The following DLGAP4 variants were observed in gnomAD, a reference collection of about 807,000 sequenced individuals.
The protein encoded by DLGAP4 is DLG associated protein 4, also known as disks large-associated protein 4.
In DLGAP4, 18 loss-of-function variants were observed where a neutral mutation model predicts 86.9. That is an observed-to-expected ratio of 0.21 (90% CI 0.14 to 0.31). The LOEUF is 0.31. Among genes scored for constraint, DLGAP4 ranks in the 10% least tolerant of loss-of-function variants. The pLI is 1.00. For synonymous variants in DLGAP4, 548 were observed against 574.3 expected, an observed-to-expected ratio of 0.95 and a Z score of 0.65; for missense variants, 1,085 against 1,362.6, an observed-to-expected ratio of 0.80 and a Z score of 3.21.
intron 7 of DLGAP4, among the ~76,000 whole-genome samples, chr20:36,449,338 T>C (rs533260963): frequency 6.6e-6 from 1 of 152,334 alleles, no homozygotes; most frequent in Non-Finnish European, 1.5e-5. Context: ...CTATTTTCCC[T>C]CTTGGTGACC....
At chr20:36,390,817 C>T (rs1256414671) in intron 2 of DLGAP4, among the ~76,000 whole-genome samples, 1 of 151,970 alleles carries the variant, frequency 6.6e-6, no homozygotes, top group Non-Finnish European at 1.5e-5. Context: ...AAGCCTTGGT[C>T]CCTGCCCCCA....
At chr20:36,407,816 G>A (rs1237764985) in intron 2 of DLGAP4, among the ~76,000 whole-genome samples, 1 of 152,102 alleles carries the variant, frequency 6.6e-6, no homozygotes, top group Non-Finnish European at 1.5e-5. Flanking sequence ...AATGGCGTGG[G>A]CTGGAGATGC....
chr20:36,395,072 C>A (rs1460163420), intron 2 of DLGAP4, among the ~76,000 whole-genome samples: 10 of 152,022 alleles, frequency 6.6e-5, no homozygotes, highest in Admixed American at 6.6e-4. Flanking sequence ...CTTCACCCAA[C>A]ACACACACAC....
At chr20:36,317,462 T>TTC (rs2065120642) in intron 1 of DLGAP4, among the ~76,000 whole-genome samples, 2 of 142,494 alleles carry the variant, frequency 1.4e-5, no homozygotes, top group African/African-American at 5.7e-5. Context: ...TCCTTCTCTT[T>TTC]CTTTTTTTTT....
At chr20:36,377,958 A>C (rs1204420444) in intron 2 of DLGAP4, among the ~76,000 whole-genome samples, 1 of 151,896 alleles carries the variant, frequency 6.6e-6, no homozygotes, top group African/African-American at 2.4e-5. Flanking sequence ...ACTTCCGTCC[A>C]CCCTGCTACT....
chr20:36,512,085 C>G (rs1246356565), intron 10 of DLGAP4, among the ~76,000 whole-genome samples: 2 of 128,336 alleles, frequency 1.6e-5, no homozygotes, highest in Non-Finnish European at 3.2e-5. Context: ...GAGTCTTGCT[C>G]TGTTGCCCAG....
intron 1 of DLGAP4, among the ~76,000 whole-genome samples, chr20:36,325,779 C>T (rs2065209754): frequency 6.6e-6 from 1 of 151,376 alleles, no homozygotes; most frequent in Non-Finnish European, 1.5e-5. Context: ...TACAATGGCA[C>T]GATCTCGGCT....
At chr20:36,405,408 TC>T in intron 2 of DLGAP4, among the ~76,000 whole-genome samples, 1 of 152,178 alleles carries the variant, frequency 6.6e-6, no homozygotes, top group South Asian at 2.1e-4. Flanking sequence ...TAGAACAGAG[TC>T]TGATACATCA....
chr20:36,506,345 G>A (rs1157394140), intron 10 of DLGAP4, among the ~76,000 whole-genome samples: 6 of 152,192 alleles, frequency 3.9e-5, no homozygotes, highest in Non-Finnish European at 8.8e-5. Flanking sequence ...AACGATATTG[G>A]TATTACCTTC....
At chr20:36,473,268 G>A (rs2034756728) in intron 7 of DLGAP4, 1 of 152,242 alleles carries the variant, frequency 6.6e-6, no homozygotes, top group South Asian at 2.1e-4. Context: ...TTGGGACCCA[G>A]ATGTCCTGAA....
In DLGAP4 at chr20:36,442,979, T is replaced by C. The variant is rs561721953; in HGVS notation, c.1407+202T>C. ...CCCTACCCTTATTGCTTCACCTCTA[T>C]GTGCTTCAGTTTCCTCCTTTTGAAA... On this transcript the variant is annotated intron_variant, in intron 6 of 12. Transcript: ENST00000339266. Among the ~76,000 whole-genome samples, 101 of 152,322 alleles carry C rather than the reference T, an allele frequency of 6.6e-4. No individual in the cohort carries two copies. In the South Asian group the frequency reaches 7.0e-3, roughly 11 times the overall value.
At chr20:36,378,650 C>T (rs1174715638) in intron 2 of DLGAP4, among the ~76,000 whole-genome samples, 7 of 151,838 alleles carry the variant, frequency 4.6e-5, no homozygotes, top group Non-Finnish European at 8.8e-5. Flanking sequence ...GCACCTGTGT[C>T]CCAAAATCTC....
chr20:36,325,123 T>C (rs1555890926), intron 1 of DLGAP4, among the ~76,000 whole-genome samples: 2 of 152,194 alleles, frequency 1.3e-5, no homozygotes, highest in African/African-American at 4.8e-5. Context: ...AGTACTGCTT[T>C]AGCAGCACCC....
intron 7 of DLGAP4, among the ~76,000 whole-genome samples, chr20:36,466,443 TCAGACTGGGCCAGGGTG>T (rs1194724887): frequency 6.6e-6 from 1 of 152,190 alleles, no homozygotes; most frequent in Non-Finnish European, 1.5e-5. Flanking sequence ...CACTGTCAAG[TCAGACTGGGCCAGGGTG>T]CAGGCTGTGG....
At chr20:36,510,922 C>T (rs2036660141) in intron 10 of DLGAP4, 1 of 152,214 alleles carries the variant, frequency 6.6e-6, no homozygotes, top group Non-Finnish European at 1.5e-5. Context: ...AGTGCTCCTT[C>T]TTTATCCTTT....
Position 36,446,852 on chromosome 20 carries a change from C to G in DLGAP4, c.1563C>G (p.Cys521Trp). 1 of 1,613,162 alleles carries G rather than the reference C, an allele frequency of 6.2e-7. No individual in the cohort carries two copies. The highest frequency in any genetic ancestry group is 1.1e-5 in the South Asian group (1 of 91,018). ...HSYLRAIQAGCSQEEDSVSLQ... is the reference protein window; with the variant it reads ...HSYLRAIQAGWSQEEDSVSLQ... ...ACCTGCGTGCCATCCAGGCAGGCTG[C>G]TCGCAGGAGGAGGACAGTGTCTCCC... The change falls in exon 7 of 13, where the codon TGC (cysteine) becomes TGG (tryptophan). Residue 521 changes from cysteine (C) to tryptophan (W), a missense_variant. Coordinates refer to ENST00000339266, the MANE Select transcript of DLGAP4 (RefSeq NM_001365621.2).
At chr20:36,474,123 T>C (rs2034801541) in intron 7 of DLGAP4, among the ~76,000 whole-genome samples, 1 of 152,238 alleles carries the variant, frequency 6.6e-6, no homozygotes, top group Non-Finnish European at 1.5e-5. Context: ...TGAGAAGTAT[T>C]AGCTGCTGCT....
At chr20:36,476,481 C>T (rs2034932763) in intron 7 of DLGAP4, among the ~76,000 whole-genome samples, 1 of 150,534 alleles carries the variant, frequency 6.6e-6, no homozygotes, top group South Asian at 2.1e-4. Context: ...GCATCTGCCA[C>T]CATGCCCGGC....
chr20:36,338,161 A>C (rs1334543720), intron 1 of DLGAP4, among the ~76,000 whole-genome samples: 1 of 152,208 alleles, frequency 6.6e-6, no homozygotes, highest in Admixed American at 6.5e-5. Context: ...CCCTGGACAC[A>C]TGGTGTGGGG....
Sources: gnomAD v4.1 joint callset for allele counts (sites outside exome capture counted in the v4.1 genomes callset) on GRCh38, gnomAD v4.1.1 for gene constraint, MANE v1.5 for transcripts, NCBI Gene and HGNC (gene_info 2026-07-23, HGNC 2026-07-21) for gene names.